SRPRB: variants seen among roughly 807,000 people sequenced by gnomAD.
SRPRB encodes the protein signal recognition particle receptor subunit beta.
In SRPRB, 20 loss-of-function variants were observed where a neutral mutation model predicts 31.9. The observed-to-expected ratio is 0.63, with a 90% confidence interval of 0.44 to 0.91. The LOEUF (loss-of-function observed/expected upper bound fraction) is 0.91. Among genes scored for constraint, SRPRB ranks in the 40% least tolerant of loss-of-function variants. The pLI, the probability that SRPRB is intolerant of heterozygous loss-of-function variation, is 0.00. For synonymous variants in SRPRB, 146 were observed against 132.8 expected (o/e 1.10, Z -0.68); for missense variants, 321 against 324.9 (o/e 0.99, Z 0.09).
rs2107975116 is a variant in SRPRB at position 133,816,931 on chromosome 3, CTG to C, written c.602+1_602+2del. The C allele has an allele frequency of 1.2e-6, 2 of 1,609,958 alleles. No homozygotes were observed. The highest frequency in any genetic ancestry group is 1.3e-5 in the African/African-American group (1 of 74,920). ...AATTCAACAGCAGCTGGAGAAAGAA[CTG>C]TAAGTGTGAAAGAGGCCTGTTGGTT... is the stretch of plus-strand genomic sequence containing the variant. On this transcript the variant is annotated splice_donor_variant and coding_sequence_variant, in exon 6 of 7. Transcript: ENST00000678299. LOFTEE classifies it high-confidence loss of function.
Position 133,805,889 on chromosome 3 carries a change from G to C in SRPRB, c.41G>C (p.Gly14Ala). The C allele has an allele frequency of 6.2e-7, 1 of 1,613,368 alleles. No homozygotes were observed. The highest frequency in any genetic ancestry group is 2.2e-5 in the East Asian group (1 of 44,834). Residue 14 changes from glycine (G) to alanine (A), a missense_variant, in exon 1 of 7, where the codon GGT becomes GCT. By Grantham distance (60) the Gly-to-Ala change is moderately conservative (BLOSUM62 0). Transcript: ENST00000678299. ...TCGCGCCGGGTGGCAGATGGCGGCG[G>C]TGCCGGGGGCACCTTCCAGCCCTAC... Reference protein sequence around the residue: ...ADSRRVADGGGAGGTFQPYLD... With the variant: ...ADSRRVADGGAAGGTFQPYLD...
upstream of SRPRB, among the ~76,000 whole-genome samples, chr3:133,802,833 C>T (rs1437272517): frequency 6.6e-6 from 1 of 152,108 alleles, no homozygotes; most frequent in Non-Finnish European, 1.5e-5. Context: ...CCAGAAGCAC[C>T]TAAAACTCAA....
intron 4 of SRPRB, among the ~76,000 whole-genome samples, chr3:133,812,021 T>C (rs181371030): frequency 7.6e-4 from 116 of 152,368 alleles, no homozygotes; most frequent in Admixed American, 2.0e-3. Flanking sequence ...TTTCAGATGC[T>C]TCTTTTTTGG....
chr3:133,828,091 G>A (rs1935600494), downstream of SRPRB: 2 of 664,332 alleles, frequency 3.0e-6, no homozygotes, highest in African/African-American at 3.5e-5. Flanking sequence ...GAAAGAGAAG[G>A]AGAGGTGGGA....
intron 6 of SRPRB, among the ~76,000 whole-genome samples, chr3:133,818,267 A>G (rs576576414): frequency 2.6e-5 from 4 of 152,344 alleles, no homozygotes; most frequent in African/African-American, 9.6e-5. Flanking sequence ...TTAACAGTAC[A>G]GTCCAAGTCT....
At chr3:133,798,712 T>G (rs1935017445) in intron 1 of SRPRB, among the ~76,000 whole-genome samples, 1 of 152,196 alleles carries the variant, frequency 6.6e-6, no homozygotes, top group South Asian at 2.1e-4. Flanking sequence ...CACATAAAAT[T>G]GCATGATCTC....
At chr3:133,795,077 T>A (rs919857039) in intron 1 of SRPRB, 1 of 152,110 alleles carries the variant, frequency 6.6e-6, no homozygotes, top group Non-Finnish European at 1.5e-5. Context: ...AATAATAGAG[T>A]TGGCTAAACA....
intron 1 of SRPRB, among the ~76,000 whole-genome samples, chr3:133,799,250 G>T (rs933351399): frequency 6.6e-6 from 1 of 152,136 alleles, no homozygotes; most frequent in Non-Finnish European, 1.5e-5. Flanking sequence ...CTCTCACAGG[G>T]TGTTTATAAT....
chr3:133,814,883 TA>T (rs1347803727), intron 4 of SRPRB, among the ~76,000 whole-genome samples: 6 of 152,218 alleles, frequency 3.9e-5, no homozygotes, highest in African/African-American at 1.4e-4. Context: ...AAGCGCCCTC[TA>T]AGATTGCTTT....
At chr3:133,794,822 T>C (rs2107958068) in intron 1 of SRPRB, 1 of 152,374 alleles carries the variant, frequency 6.6e-6, no homozygotes, top group South Asian at 2.1e-4. Flanking sequence ...ATCATGAGAC[T>C]CTTATCTTTG....
At chr3:133,805,793 G>A (rs1935139638), upstream of SRPRB, 3 of 1,531,606 alleles carry the variant, frequency 2.0e-6, no homozygotes, top group Admixed American at 6.3e-5. Context: ...CCCCGCGCCT[G>A]CGCAGAGTGC....
In SRPRB at chr3:133,805,989, G is replaced by A. The variant is rs748889521; in HGVS notation, c.141G>A (p.Val47=). ...CAGTAGTGGTGGCGGTTCTTGCGGT[G>A]CTGCTGACGCTAGGTAAAAGGCGGC... is the stretch of plus-strand genomic sequence containing the variant. ...LLSVVVAVLA[V]LLTLVFWKLI... is the part of the protein sequence containing the mutation. Residue 47 remains valine (V), a synonymous_variant, in exon 1 of 7, where the codon GTG becomes GTA. Transcript: ENST00000678299. 1.9e-6 allele frequency: 3 copies of A among 1,612,992 alleles called. No homozygotes were observed. The highest frequency in any genetic ancestry group is 2.2e-5 in the South Asian group (2 of 90,980).
chr3:133,798,855 G>A (rs1327530815), intron 1 of SRPRB, among the ~76,000 whole-genome samples: 2 of 151,944 alleles, frequency 1.3e-5, no homozygotes, highest in African/African-American at 2.4e-5. Context: ...TAAAATGCAC[G>A]TTAGCTTTTT....
chr3:133,817,304 A>G (rs774578950), intron 6 of SRPRB, among the ~76,000 whole-genome samples: 2 of 152,204 alleles, frequency 1.3e-5, no homozygotes, highest in Non-Finnish European at 2.9e-5. Context: ...ATGCCTGTGA[A>G]GTGGTATTTA....
In SRPRB at chr3:133,807,829, A is replaced by C; in HGVS notation, c.327+6A>C. Reference sequence around the variant, plus strand: ...ACAGAGTCAACAATAACAGGGTAAGATGTTTGTGGAGTTTTGGAGTCTGAC... The same window carrying C: ...ACAGAGTCAACAATAACAGGGTAAGCTGTTTGTGGAGTTTTGGAGTCTGAC... On this transcript the variant is annotated splice_donor_region_variant and intron_variant, in intron 3 of 6. Coordinates refer to ENST00000678299, the MANE Select transcript of SRPRB (RefSeq NM_001379313.1). The C allele has an allele frequency of 6.2e-7, 1 of 1,603,302 alleles. No homozygotes were observed. The highest frequency in any genetic ancestry group is 8.5e-7 in the Non-Finnish European group (1 of 1,176,568).
At chr3:133,798,943 A>G (rs141659021) in intron 1 of SRPRB, among the ~76,000 whole-genome samples, 29 of 152,278 alleles carry the variant, frequency 1.9e-4, no homozygotes, top group African/African-American at 6.0e-4. Flanking sequence ...TACTAGAGAC[A>G]GTTACTAGAT....
At chr3:133,816,394 C>T (rs755523779) in intron 5 of SRPRB, among the ~76,000 whole-genome samples, 3 of 152,174 alleles carry the variant, frequency 2.0e-5, no homozygotes, top group Non-Finnish European at 2.9e-5. Context: ...TGTTTATTTG[C>T]CATGGGCTTT....
intron 3 of SRPRB, among the ~76,000 whole-genome samples, chr3:133,808,610 G>T (rs557416911): frequency 6.6e-6 from 1 of 151,904 alleles, no homozygotes; most frequent in Non-Finnish European, 1.5e-5. Flanking sequence ...GAATCATGGG[G>T]CCTGGCTTGG....
At chr3:133,824,288 C>T (rs1243874721), downstream of SRPRB, 1 of 152,214 alleles carries the variant, frequency 6.6e-6, no homozygotes, top group African/African-American at 2.4e-5. Context: ...TGAGTCTTTT[C>T]CACATTTTAC....
Sources: allele counts gnomAD v4.1 joint callset (sites outside exome capture counted in the v4.1 genomes callset), GRCh38; gene constraint gnomAD v4.1.1; transcripts MANE v1.5; gene names NCBI Gene and HGNC (gene_info 2026-07-23, HGNC 2026-07-21).